COG4: variants seen among roughly 807,000 people sequenced by gnomAD.
COG4 encodes component of oligomeric golgi complex 4.
In COG4, 65 loss-of-function variants were observed where a neutral mutation model predicts 95.1. The ratio of observed to expected loss-of-function variants is 0.68; its 90% CI spans 0.56 to 0.84. COG4 has a LOEUF of 0.84. Ranked by LOEUF, COG4 falls within the 40% of genes least tolerant of loss-of-function variation. COG4 has a pLI of 0.00. For synonymous variants in COG4, 421 were observed against 374.8 expected, an observed-to-expected ratio of 1.12 and a Z score of -1.42; for missense variants, 1,045 against 989.1, an observed-to-expected ratio of 1.06 and a Z score of -0.76.
chr16:70,483,946 G>C lies in COG4; in HGVS notation c.1734C>G (p.Ser578Arg), dbSNP rs779559679. ...GGGCCTGCTCCCCTCCAATGCCCTG[G>C]CTGAAGAGCTTGGTGCAGTCACTCT... ...TLESDCTKLF[S>R]QGIGGEQAQA... Residue 578 changes from serine to arginine, a missense_variant, in exon 14 of 19, where the codon AGC (serine) becomes AGG (arginine). Coordinates refer to ENST00000323786, the MANE Select transcript of COG4 (RefSeq NM_015386.3). 3 of 1,612,718 alleles carry C rather than the reference G, an allele frequency of 1.9e-6. No individual in the cohort carries two copies. The highest frequency in any genetic ancestry group is 1.1e-5 in the South Asian group (1 of 91,074).
intron 16 of COG4, 95 bp downstream of exon 16, chr16:70,481,997 A>G: frequency 7.4e-7 from 1 of 1,356,158 alleles, no homozygotes; most frequent in Non-Finnish European, 1.1e-6. Context: ...AAGGGCTTTC[A>G]GGGTCCCCAG....
At chr16:70,482,579 G>A (rs889755337) in intron 15 of COG4, 150 bp downstream of exon 15, 1 of 715,596 alleles carries the variant, frequency 1.4e-6, no homozygotes, top group African/African-American at 1.7e-5. Context: ...ACTGTTTCCT[G>A]GGAGGAACCT....
chr16:70,485,619 T>G (rs1394841545), intron 13 of COG4, among the ~76,000 whole-genome samples: 1 of 149,894 alleles, frequency 6.7e-6, no homozygotes, highest in Non-Finnish European at 1.5e-5. Context: ...AGAGTCTTGC[T>G]GTGTCACCCA....
chr16:70,486,897 A>G (rs11863539), intron 13 of COG4, among the ~76,000 whole-genome samples: 6,420 of 152,078 alleles, frequency 0.042, 467 homozygotes, highest in African/African-American at 0.15. Context: ...TTGGGAGCTG[A>G]GGCAGGAGAA....
chr16:70,483,793 A>C, intron 14 of COG4, 60 bp downstream of exon 14: 1 of 1,315,576 alleles, frequency 7.6e-7, no homozygotes, highest in Non-Finnish European at 1.1e-6. Context: ...GCCAGCTAAC[A>C]ATCTTCTCAG....
intron 17 of COG4, 74 bp downstream of exon 17, chr16:70,481,690 C>CT: frequency 3.5e-6 from 5 of 1,418,928 alleles, no homozygotes; most frequent in Non-Finnish European, 4.9e-6. Context: ...GATGCAAGTC[C>CT]TGGGGGTGGT....
chr16:70,501,235 G>C (rs1197467328), intron 8 of COG4, 144 bp from the exon 9 acceptor site: 1 of 796,170 alleles, frequency 1.3e-6, no homozygotes, highest in Non-Finnish European at 2.1e-6. Flanking sequence ...AGCTCTGCTG[G>C]CCCAATTAGA....
At chr16:70,482,066 A>C (rs987536917) in intron 16 of COG4, 26 bp downstream of exon 16, 5 of 1,584,858 alleles carry the variant, frequency 3.2e-6, no homozygotes, top group Non-Finnish European at 2.6e-6. Context: ...TAATTCCCTA[A>C]GTGGATCCCT....
At chr16:70,501,664 T>A (rs575807534) in intron 8 of COG4, 218 of 159,328 alleles carry the variant, frequency 1.4e-3, no homozygotes, top group Non-Finnish European at 2.2e-3. Context: ...TATTTTCTTT[T>A]CTTTTTGAGA....
At chr16:70,520,454 G>A (rs1374874991) in intron 1 of COG4, among the ~76,000 whole-genome samples, 5 of 132,864 alleles carry the variant, frequency 3.8e-5, no homozygotes, top group Admixed American at 8.6e-5. Context: ...GTGAGACTCC[G>A]TCTCAAAAAC....
At chr16:70,505,491 C>CG (rs1297960541) in intron 8 of COG4, among the ~76,000 whole-genome samples, 2 of 150,662 alleles carry the variant, frequency 1.3e-5, no homozygotes, top group African/African-American at 2.4e-5. Context: ...CGTGAGCCAC[C>CG]GCACCCACTG....
intron 8 of COG4, among the ~76,000 whole-genome samples, chr16:70,505,877 G>A (rs1279297815): frequency 6.6e-6 from 1 of 152,114 alleles, no homozygotes; most frequent in African/African-American, 2.4e-5. Context: ...GGATACAGGG[G>A]CTCATGCCTG....
chr16:70,499,314 G>C (rs568841956), intron 9 of COG4, among the ~76,000 whole-genome samples: 2 of 152,168 alleles, frequency 1.3e-5, no homozygotes, highest in Non-Finnish European at 2.9e-5. Flanking sequence ...GCTCTGAATA[G>C]TGATAGTCAT....
At chr16:70,514,569 A>C in intron 3 of COG4, 60 bp from the exon 4 acceptor site, 1 of 1,469,688 alleles carries the variant, frequency 6.8e-7, no homozygotes, top group Non-Finnish European at 9.5e-7. Flanking sequence ...ACCCCTCAAG[A>C]AGGTAGGGAG....
chr16:70,511,019 C>G (rs8045340), intron 5 of COG4, among the ~76,000 whole-genome samples: 11,687 of 152,238 alleles, frequency 0.077, 1,453 homozygotes, highest in African/African-American at 0.26. Flanking sequence ...CCCGCCTCAG[C>G]CTCCCAAAGT....
chr16:70,502,136 G>C (rs761278886), intron 8 of COG4, among the ~76,000 whole-genome samples: 2 of 151,556 alleles, frequency 1.3e-5, no homozygotes, highest in African/African-American at 4.8e-5. Flanking sequence ...ACAAAAATTA[G>C]CTGGGTGTGG....
At chr16:70,504,629 G>T (rs2049522532) in intron 8 of COG4, among the ~76,000 whole-genome samples, 1 of 120,644 alleles carries the variant, frequency 8.3e-6, no homozygotes, top group East Asian at 2.0e-4. Context: ...AAAAAAAAAA[G>T]AGGCCGGGCA....
chr16:70,482,332 G>A, intron 15 of COG4, 157 bp from the exon 16 acceptor site: 1 of 700,038 alleles, frequency 1.4e-6, no homozygotes. Context: ...CACCCAGGCT[G>A]GCAGAAACTG....
At chr16:70,500,877 T>A (rs1001472337) in intron 9 of COG4, 81 bp downstream of exon 9, 20 of 1,547,928 alleles carry the variant, frequency 1.3e-5, no homozygotes, top group African/African-American at 8.2e-5. Context: ...GTTTCCTTAA[T>A]AAGAGATTTG....
Sources: allele counts gnomAD v4.1 joint callset (sites outside exome capture counted in the v4.1 genomes callset), GRCh38; gene constraint gnomAD v4.1.1; transcripts MANE v1.5; gene names NCBI Gene and HGNC (gene_info 2026-07-23, HGNC 2026-07-21).